Variants in KDM4B observed in about 807,000 individuals in gnomAD.
KDM4B encodes lysine demethylase 4B.
Under a neutral mutation model 125.2 loss-of-function variants are expected in KDM4B, and 32 were observed. The ratio of observed to expected loss-of-function variants is 0.26; its 90% CI spans 0.19 to 0.34. The LOEUF (loss-of-function observed/expected upper bound fraction) is 0.34, where lower values mean the gene tolerates loss of function less well. Ranked by LOEUF, KDM4B falls within the 10% of genes least tolerant of loss-of-function variation. The pLI is 1.00. For synonymous variants in KDM4B, 721 were observed against 677.9 expected (o/e 1.06, Z -0.99); for missense variants, 1,190 against 1,577.7 (o/e 0.75, Z 4.16).
intron 9 of KDM4B, among the ~76,000 whole-genome samples, chr19:5,084,572 ATGT>A (rs2145882762): frequency 1.1e-5 from 1 of 90,030 alleles, no homozygotes; most frequent in Admixed American, 1.0e-4. Flanking sequence ...TATAAATTAT[ATGT>A]ATTATATATA....
At chr19:5,084,370 A>G (rs1329676865) in intron 9 of KDM4B, among the ~76,000 whole-genome samples, 1 of 144,316 alleles carries the variant, frequency 6.9e-6, no homozygotes, top group Non-Finnish European at 1.5e-5. Flanking sequence ...ATTGTATATA[A>G]TTTATATATT....
At chr19:5,119,032 G>A in intron 10 of KDM4B, 1 of 757,630 alleles carries the variant, frequency 1.3e-6, no homozygotes. Context: ...CAGGGAGTTG[G>A]GGACAGAGCC....
rs1054801051 is a variant in KDM4B at position 5,142,869 on chromosome 19, G to A, written c.2551-1098G>A. 6.6e-6 allele frequency among the ~76,000 whole-genome samples: 1 copy of A among 152,062 alleles called. No individual in the cohort carries two copies. The highest frequency in any genetic ancestry group is 1.5e-5 in the Non-Finnish European group (1 of 68,010). ...ACGTGGTTTATAGAGTGGTGACGGT[G>A]CCGCTTATTAAATGCTTAGCTGGGC... On this transcript the variant is annotated intron_variant, in intron 18 of 22. Coordinates refer to ENST00000159111, the MANE Select transcript of KDM4B (RefSeq NM_015015.3). This position sits in a 1 kb window ranked among gnomAD's most constrained non-coding sequence, Gnocchi z 5.4.
intron 6 of KDM4B, among the ~76,000 whole-genome samples, chr19:5,067,678 C>T (rs2037817303): frequency 6.6e-6 from 1 of 152,098 alleles, no homozygotes. Context: ...TGGGCAGGGC[C>T]CGTGCAGGTC....
chr19:4,979,841 G>T (rs542090137), intron 1 of KDM4B, among the ~76,000 whole-genome samples: 1 of 152,194 alleles, frequency 6.6e-6, no homozygotes, highest in Non-Finnish European at 1.5e-5. Flanking sequence ...AGCGGCTCAT[G>T]CCTGCAATCC....
intron 1 of KDM4B, among the ~76,000 whole-genome samples, chr19:4,985,685 T>G (rs2034803406): frequency 1.3e-5 from 2 of 152,312 alleles, no homozygotes; most frequent in Admixed American, 1.3e-4. Context: ...GGGGGCCGAA[T>G]GTGCAGTGGA....
intron 1 of KDM4B, among the ~76,000 whole-genome samples, chr19:4,977,626 G>A (rs770639842): frequency 2.0e-5 from 3 of 152,180 alleles, no homozygotes; most frequent in African/African-American, 7.2e-5. Flanking sequence ...GAGATTAGCC[G>A]GCCGTGGATT....
At chr19:5,136,689 G>A (rs764480019) in intron 15 of KDM4B, among the ~76,000 whole-genome samples, 3 of 152,106 alleles carry the variant, frequency 2.0e-5, no homozygotes, top group Admixed American at 1.3e-4. Context: ...TGAGGTCCCC[G>A]CCCCCAGCCT....
At chr19:5,110,546 C>CCTGCT (rs2039120007) in intron 9 of KDM4B, 76 bp from the exon 10 acceptor site, 3 of 1,486,498 alleles carry the variant, frequency 2.0e-6, no homozygotes, top group Non-Finnish European at 1.9e-6. Context: ...GTGAGCCCTA[C>CCTGCT]CTGCTCTGGG....
At chr19:5,097,887 C>T (rs1474240949) in intron 9 of KDM4B, among the ~76,000 whole-genome samples, 44 of 152,250 alleles carry the variant, frequency 2.9e-4, no homozygotes, top group Non-Finnish European at 5.9e-5. Flanking sequence ...GGGAACCCTC[C>T]TCCTCCTCAG....
At chr19:5,043,896 G>A (rs2036929996) in intron 5 of KDM4B, among the ~76,000 whole-genome samples, 1 of 105,916 alleles carries the variant, frequency 9.4e-6, no homozygotes, top group Non-Finnish European at 2.0e-5. Context: ...TTATCGGAGT[G>A]GGGGTGTCCA....
intron 2 of KDM4B, among the ~76,000 whole-genome samples, chr19:5,025,040 T>G (rs983689040): frequency 1.3e-5 from 2 of 152,282 alleles, no homozygotes; most frequent in Non-Finnish European, 2.9e-5. Context: ...GTGTGTAGTT[T>G]ACTCAGAAGG....
Position 5,023,114 on chromosome 19 carries a change from G to T in KDM4B, c.-26+6775G>T, listed in dbSNP as rs533087867. Among the ~76,000 whole-genome samples, 3 of 152,288 alleles carry T rather than the reference G, an allele frequency of 2.0e-5. No individual in the cohort carries two copies. The South Asian group carries it at 6.2e-4, about 32-fold the overall frequency. ...CTGGGGAGCCCGATGTCCTCACCGGGTCCTCATGAGAGGAGGCAGGAGGGT... is the reference window on the plus strand; with the variant it reads ...CTGGGGAGCCCGATGTCCTCACCGGTTCCTCATGAGAGGAGGCAGGAGGGT... On this transcript the variant is annotated intron_variant, in intron 2 of 22. Coordinates refer to ENST00000159111, the MANE Select transcript of KDM4B (RefSeq NM_015015.3).
At chr19:5,127,957 C>CAT (rs3070222) in intron 11 of KDM4B, among the ~76,000 whole-genome samples, 89,697 of 151,738 alleles carry the variant, frequency 0.59, 26,687 homozygotes, top group East Asian at 0.66. Context: ...CCTGTGGTCT[C>CAT]GTGAGGACAG....
chr19:5,047,204 T>G lies in KDM4B; in HGVS notation c.433-272T>G, dbSNP rs2037053580. The G allele has an allele frequency of 7.1e-6, 3 of 425,458 alleles. No individual in the cohort carries two copies. The Admixed American group carries it at 1.2e-4, about 17-fold the overall frequency. 26.4% of individuals were successfully genotyped at this position (425,458 alleles called of 1,614,324 possible). ...CTATAGTCCCAGGTACTCAGGAGACTGAGGCTGGAGGATTACCTGAGCCTG... is the reference window on the plus strand; with the variant it reads ...CTATAGTCCCAGGTACTCAGGAGACGGAGGCTGGAGGATTACCTGAGCCTG... On this transcript the variant is annotated intron_variant, in intron 5 of 22. Coordinates refer to ENST00000159111, the MANE Select transcript of KDM4B (RefSeq NM_015015.3).
chr19:5,075,999 T>C (rs115173052), intron 7 of KDM4B: 4,000 of 169,446 alleles, frequency 0.024, 141 homozygotes, highest in African/African-American at 0.064. Context: ...CCCTGGCTGG[T>C]CTGGTTCTAG....
intron 1 of KDM4B, among the ~76,000 whole-genome samples, chr19:4,998,615 T>C (rs1419909249): frequency 3.3e-5 from 5 of 152,202 alleles, no homozygotes; most frequent in Non-Finnish European, 5.9e-5. Context: ...AAATTCACGC[T>C]GATAAAATCA....
chr19:5,015,544 G>A (rs556854998), intron 1 of KDM4B, among the ~76,000 whole-genome samples: 6 of 152,104 alleles, frequency 3.9e-5, no homozygotes, highest in South Asian at 4.2e-4. Flanking sequence ...CAGCCACCTC[G>A]CCCCGCCATG....
In KDM4B at chr19:5,119,815, G is replaced by A; in HGVS notation, c.1278G>A (p.Gln426=). 1 of 1,544,210 alleles carries A rather than the reference G, an allele frequency of 6.5e-7. No homozygotes were observed. The highest frequency in any genetic ancestry group is 8.7e-7 in the Non-Finnish European group (1 of 1,144,652). The change falls in exon 11 of 23, where the codon CAG becomes CAA. Residue 426 remains glutamine, a synonymous_variant. Coordinates refer to ENST00000159111, the MANE Select transcript of KDM4B (RefSeq NM_015015.3). ...CCGAGGAGGAGGAGGAGGAGCCGCA[G>A]CCACTGCCACACGGCCGGGAGGCCG... ...VDPEEEEEEP[Q]PLPHGREAEG...
Sources: allele counts gnomAD v4.1 joint callset (sites outside exome capture counted in the v4.1 genomes callset), GRCh38; gene constraint gnomAD v4.1.1; non-coding constraint Gnocchi (gnomAD v3.1); transcripts MANE v1.5; gene names NCBI Gene and HGNC (gene_info 2026-07-23, HGNC 2026-07-21).